The following CAMK1D variants were observed in gnomAD, a reference collection of about 807,000 sequenced individuals.
CAMK1D encodes the protein calcium/calmodulin dependent protein kinase ID.
Under a neutral mutation model 47.7 loss-of-function variants are expected in CAMK1D, and 9 were observed. The observed-to-expected ratio is 0.19, with a 90% confidence interval of 0.11 to 0.33. The LOEUF (loss-of-function observed/expected upper bound fraction) is 0.33, where lower values mean the gene tolerates loss of function less well. Ranked by LOEUF, CAMK1D falls within the 10% of genes least tolerant of loss-of-function variation. The pLI, the probability that CAMK1D is intolerant of heterozygous loss-of-function variation, is 1.00. For synonymous variants in CAMK1D, 184 were observed against 184.9 expected (o/e 0.99, Z 0.04); for missense variants, 291 against 488.7 (o/e 0.60, Z 3.81).
At chr10:12,375,133 A>G (rs1379148086) in intron 1 of CAMK1D, among the ~76,000 whole-genome samples, 2 of 152,034 alleles carry the variant, frequency 1.3e-5, no homozygotes, top group African/African-American at 4.8e-5. Context: ...TCTCTGATGC[A>G]ACCGAAATCT....
chr10:12,541,770 T>C (rs1278463332), intron 1 of CAMK1D, among the ~76,000 whole-genome samples: 1 of 152,184 alleles, frequency 6.6e-6, no homozygotes, highest in African/African-American at 2.4e-5. Context: ...ACAATAGGTC[T>C]AAAAGGCACC....
intron 3 of CAMK1D, among the ~76,000 whole-genome samples, chr10:12,722,647 G>C (rs938164438): frequency 5.9e-5 from 9 of 152,102 alleles, no homozygotes; most frequent in African/African-American, 2.2e-4. Context: ...TTTGGCAAAT[G>C]TTGGTTTCTT....
intron 6 of CAMK1D, among the ~76,000 whole-genome samples, chr10:12,799,167 A>G (rs758690478): frequency 6.6e-6 from 1 of 152,196 alleles, no homozygotes; most frequent in Admixed American, 6.5e-5. Flanking sequence ...ACTCGACGCA[A>G]CACCATGTAA....
rs75838097 is a variant in CAMK1D, at chr10:12,588,542, A to G, written c.224+35186A>G. On this transcript the variant is annotated intron_variant, in intron 2 of 10. Coordinates refer to ENST00000619168, the MANE Select transcript of CAMK1D (RefSeq NM_153498.4). ...TTTTCTTTCTTTTTTCTTTTTGCGA[A>G]CTGACCTGGAGCCTTGGTCTCCAGG... 3.6e-3 allele frequency among the ~76,000 whole-genome samples: 554 copies of G among 152,148 alleles called. 3 individuals are homozygous for G. The highest frequency in any genetic ancestry group is 0.013 in the African/African-American group (530 of 41,528).
intron 1 of CAMK1D, among the ~76,000 whole-genome samples, chr10:12,399,497 C>T (rs546118588): frequency 5.3e-5 from 8 of 151,368 alleles, no homozygotes; most frequent in African/African-American, 1.9e-4. Flanking sequence ...GAGCAAGACT[C>T]CGTCTGAAAA....
intron 6 of CAMK1D, among the ~76,000 whole-genome samples, chr10:12,796,552 A>G (rs1429208321): frequency 2.0e-5 from 3 of 152,140 alleles, no homozygotes; most frequent in Admixed American, 1.3e-4. Context: ...CTGGCTCTTG[A>G]TGGAATACAT....
intron 1 of CAMK1D, among the ~76,000 whole-genome samples, chr10:12,452,726 C>T (rs1470781161): frequency 1.3e-5 from 2 of 151,962 alleles, no homozygotes; most frequent in East Asian, 3.9e-4. Context: ...GTTGGGATTA[C>T]AGGTATGCAC....
chr10:12,502,894 G>T (rs1432218797), intron 1 of CAMK1D, among the ~76,000 whole-genome samples: 1 of 152,246 alleles, frequency 6.6e-6, no homozygotes, highest in Non-Finnish European at 1.5e-5. Context: ...GCAGGGTGCA[G>T]TTCACTGCCT....
At chr10:12,793,764 G>A (rs1588936121) in intron 6 of CAMK1D, among the ~76,000 whole-genome samples, 1 of 152,238 alleles carries the variant, frequency 6.6e-6, no homozygotes, top group Non-Finnish European at 1.5e-5. Flanking sequence ...ACAGTGGGGA[G>A]AAGCCTTGAG....
At chr10:12,827,844 G>A (rs11258017) in intron 10 of CAMK1D, among the ~76,000 whole-genome samples, 102,960 of 151,728 alleles carry the variant, frequency 0.68, 35,657 homozygotes, top group East Asian at 0.85. Flanking sequence ...ATGTACCACC[G>A]TGCGCAGCTA....
intron 1 of CAMK1D, among the ~76,000 whole-genome samples, chr10:12,544,915 CG>C (rs1836314494): frequency 6.6e-6 from 1 of 151,732 alleles, no homozygotes; most frequent in Non-Finnish European, 1.5e-5. Context: ...TAGTGTTGAG[CG>C]GAAGGTCATT....
At position 12,573,831 on chromosome 10, in the gene CAMK1D, C is replaced by CTTTTTTTTTTTT. The variant is rs34038018; in HGVS notation, c.224+20489_224+20500dup. On this transcript the variant is annotated intron_variant, in intron 2 of 10. Transcript: ENST00000619168. ...CACCATGCCTGGCTTATTAAAAAAACTTTTTTTTTTTTTTTTTTTTTTTTT... is the reference window on the plus strand; with the variant it reads ...CACCATGCCTGGCTTATTAAAAAAACTTTTTTTTTTTTTTTTTTTTTTTTTTTTTTTTTTTTT... 8.6e-4 allele frequency among the ~76,000 whole-genome samples: 55 copies of CTTTTTTTTTTTT among 64,086 alleles called. 6 individuals carry two copies. The highest frequency in any genetic ancestry group is 2.4e-3 in the East Asian group (3 of 1,272). The allele number at this position is 64,086 out of a possible 152,430, so 42.0% of individuals were successfully genotyped here.
chr10:12,610,327 G>T (rs956444624), intron 2 of CAMK1D, among the ~76,000 whole-genome samples: 1 of 152,132 alleles, frequency 6.6e-6, no homozygotes, highest in South Asian at 2.1e-4. Flanking sequence ...CATTTAAACA[G>T]TGTGGTAATA....
chr10:12,737,854 A>G (rs1016827922), intron 3 of CAMK1D, among the ~76,000 whole-genome samples: 1 of 152,254 alleles, frequency 6.6e-6, no homozygotes. Context: ...TATTGAACTC[A>G]TATTCCAGTT....
intron 1 of CAMK1D, among the ~76,000 whole-genome samples, chr10:12,432,036 A>G (rs1263461885): frequency 1.3e-5 from 2 of 152,218 alleles, no homozygotes; most frequent in South Asian, 2.1e-4. Flanking sequence ...TGGCTCAGGT[A>G]TTCTACCTTT....
chr10:12,749,549 T>TG (rs1835840923), intron 3 of CAMK1D, among the ~76,000 whole-genome samples: 1 of 122,472 alleles, frequency 8.2e-6, no homozygotes, highest in Non-Finnish European at 1.7e-5. Flanking sequence ...GTTTGTTTGT[T>TG]TTTTGTTTGT....
chr10:12,756,271 T>C (rs1259357310), intron 3 of CAMK1D, among the ~76,000 whole-genome samples: 3 of 152,216 alleles, frequency 2.0e-5, no homozygotes, highest in Non-Finnish European at 4.4e-5. Flanking sequence ...CAATTAGCAG[T>C]AAATTGTAAG....
chr10:12,756,196 C>G (rs1001133941), intron 3 of CAMK1D, among the ~76,000 whole-genome samples: 4 of 152,218 alleles, frequency 2.6e-5, no homozygotes, highest in Non-Finnish European at 5.9e-5. Flanking sequence ...CCAGCATTAG[C>G]AGAAGTGCTC....
At chr10:12,433,988 G>T (rs1453493069) in intron 1 of CAMK1D, among the ~76,000 whole-genome samples, 3 of 152,066 alleles carry the variant, frequency 2.0e-5, no homozygotes, top group Non-Finnish European at 4.4e-5. Flanking sequence ...TGATTATTGT[G>T]GGGAAAGGGT....
Sources: allele counts gnomAD v4.1 joint callset (sites outside exome capture counted in the v4.1 genomes callset), GRCh38; gene constraint gnomAD v4.1.1; transcripts MANE v1.5; gene names NCBI Gene and HGNC (gene_info 2026-07-23, HGNC 2026-07-21).